The following TNFAIP8 variants were observed in gnomAD, a reference collection of about 807,000 sequenced individuals.
The protein encoded by TNFAIP8 is TNF alpha induced protein 8.
TNFAIP8 carries 7 observed loss-of-function variants against 13.3 expected under a neutral mutation model. That is an observed-to-expected ratio of 0.52 (90% CI 0.30 to 0.99). The LOEUF (loss-of-function observed/expected upper bound fraction) is 0.99, where lower values mean the gene tolerates loss of function less well. Ranked by LOEUF, TNFAIP8 falls within the 50% of genes least tolerant of loss-of-function variation. The pLI is 0.07. For missense variants in TNFAIP8, 258 were observed against 236.9 expected (o/e 1.09, Z -0.58); for synonymous variants, 94 against 87.6 (o/e 1.07, Z -0.41).
chr5:119,390,654 T>C (rs758155248), intron 1 of TNFAIP8, among the ~76,000 whole-genome samples: 1 of 152,170 alleles, frequency 6.6e-6, no homozygotes, highest in Admixed American at 6.5e-5. Flanking sequence ...AGGGGACCCT[T>C]TCTTATTCAA....
At chr5:119,370,513 T>C (rs1367193698) in intron 1 of TNFAIP8, among the ~76,000 whole-genome samples, 1 of 152,252 alleles carries the variant, frequency 6.6e-6, no homozygotes, top group Non-Finnish European at 1.5e-5. Context: ...GCCTGGAAGT[T>C]CTATAAAATA....
At chr5:119,303,452 T>C (rs981008256) in intron 1 of TNFAIP8, among the ~76,000 whole-genome samples, 1 of 152,186 alleles carries the variant, frequency 6.6e-6, no homozygotes, top group African/African-American at 2.4e-5. Context: ...CTCAGTTAGA[T>C]GGACCTGTGC....
chr5:119,381,049 A>G (rs1400581199), intron 1 of TNFAIP8, among the ~76,000 whole-genome samples: 1 of 152,146 alleles, frequency 6.6e-6, no homozygotes, highest in Admixed American at 6.5e-5. Flanking sequence ...TTCCAACTTT[A>G]CTATATATCA....
At chr5:119,297,388 T>C (rs1250262277) in intron 1 of TNFAIP8, among the ~76,000 whole-genome samples, 1 of 152,224 alleles carries the variant, frequency 6.6e-6, no homozygotes, top group Non-Finnish European at 1.5e-5. Flanking sequence ...AGGAGCAGGT[T>C]GTTCAGTTTC....
chr5:119,344,184 C>G (rs1421911244), intron 1 of TNFAIP8, among the ~76,000 whole-genome samples: 2 of 152,168 alleles, frequency 1.3e-5, no homozygotes, highest in Admixed American at 6.5e-5. Flanking sequence ...AAGCATGGCA[C>G]CAGCATCTGC....
chr5:119,371,829 C>T (rs992904382), intron 1 of TNFAIP8, among the ~76,000 whole-genome samples: 8 of 151,842 alleles, frequency 5.3e-5, no homozygotes, highest in Admixed American at 1.3e-4. Context: ...CGAGACCAGC[C>T]GGGGCAACAT....
intron 1 of TNFAIP8, among the ~76,000 whole-genome samples, chr5:119,314,202 C>A (rs200562441): frequency 1.6e-5 from 2 of 126,828 alleles, no homozygotes; most frequent in African/African-American, 5.6e-5. Flanking sequence ...AACAAACAAA[C>A]AAAAAAACCA....
At chr5:119,293,911 CACTT>C (rs759972234) in intron 1 of TNFAIP8, among the ~76,000 whole-genome samples, 3 of 152,274 alleles carry the variant, frequency 2.0e-5, no homozygotes, top group Non-Finnish European at 4.4e-5. Context: ...TGTCAGATAA[CACTT>C]GCAGCGCTTT....
At chr5:119,289,997 T>C (rs967930720) in intron 1 of TNFAIP8, among the ~76,000 whole-genome samples, 3 of 152,332 alleles carry the variant, frequency 2.0e-5, no homozygotes. Flanking sequence ...AATTCTCTCA[T>C]CATTCAGTCA....
Position 119,395,082 on chromosome 5 carries a change from A to G in TNFAIP8, c.*1701A>G, listed in dbSNP as rs1753042553. ...TGACACCCTCATTTGCTTGGCTAAG[A>G]CAAGCAGCAAAGGTGTAGAGTTTCT... On this transcript the variant is annotated 3_prime_UTR_variant, in exon 2 of 2. Coordinates refer to ENST00000504771, the MANE Select transcript of TNFAIP8 (RefSeq NM_014350.4). 6.6e-6 allele frequency: 1 copy of G among 152,168 alleles called. No individual in the cohort carries two copies. The highest frequency in any genetic ancestry group is 1.9e-4 in the East Asian group (1 of 5,200). The allele number at this position is 152,168 out of a possible 1,614,324, so 9.4% of individuals were successfully genotyped here.
At chr5:119,348,804 T>C (rs992142111) in intron 1 of TNFAIP8, among the ~76,000 whole-genome samples, 4 of 143,414 alleles carry the variant, frequency 2.8e-5, no homozygotes, top group Non-Finnish European at 4.5e-5. Flanking sequence ...TGCTTGAACC[T>C]GGGAGGCAGA....
At chr5:119,338,735 G>A (rs943035140) in intron 1 of TNFAIP8, among the ~76,000 whole-genome samples, 5 of 152,198 alleles carry the variant, frequency 3.3e-5, no homozygotes, top group African/African-American at 1.2e-4. Flanking sequence ...ACAAGAAAGA[G>A]AAACCCCAAG....
At chr5:119,296,451 C>T (rs1054094687) in intron 1 of TNFAIP8, among the ~76,000 whole-genome samples, 2 of 151,874 alleles carry the variant, frequency 1.3e-5, no homozygotes, top group Non-Finnish European at 2.9e-5. Context: ...TATATTGAAC[C>T]AGGCTTTCAT....
At chr5:119,335,997 G>A (rs1317275246) in intron 1 of TNFAIP8, among the ~76,000 whole-genome samples, 1 of 152,016 alleles carries the variant, frequency 6.6e-6, no homozygotes, top group Non-Finnish European at 1.5e-5. Context: ...TGGATATCCT[G>A]GGGGAAGAAC....
At chr5:119,348,228 G>A (rs1226021104) in intron 1 of TNFAIP8, among the ~76,000 whole-genome samples, 2 of 152,188 alleles carry the variant, frequency 1.3e-5, no homozygotes, top group Non-Finnish European at 2.9e-5. Flanking sequence ...GTAAGCACTG[G>A]AAAGTTGCAT....
chr5:119,327,724 G>A (rs1039636305), intron 1 of TNFAIP8, among the ~76,000 whole-genome samples: 2 of 152,316 alleles, frequency 1.3e-5, no homozygotes, highest in South Asian at 4.1e-4. Context: ...CTCCCAAAGT[G>A]CTGGGATTAC....
At chr5:119,338,771 T>G (rs1003856177) in intron 1 of TNFAIP8, among the ~76,000 whole-genome samples, 1 of 152,206 alleles carries the variant, frequency 6.6e-6, no homozygotes, top group Non-Finnish European at 1.5e-5. Flanking sequence ...CAAAAGAGAT[T>G]TTTTTGTTGG....
At chr5:119,342,734 A>G (rs1295355584) in intron 1 of TNFAIP8, among the ~76,000 whole-genome samples, 1 of 152,208 alleles carries the variant, frequency 6.6e-6, no homozygotes, top group Non-Finnish European at 1.5e-5. Context: ...ATTGGTCTTC[A>G]GCCTTCACTT....
At chr5:119,303,560 G>A (rs1000635227) in intron 1 of TNFAIP8, among the ~76,000 whole-genome samples, 5 of 152,192 alleles carry the variant, frequency 3.3e-5, no homozygotes, top group African/African-American at 1.2e-4. Flanking sequence ...TTGGGTAGAA[G>A]TGGGTGTAGT....
Sources: gnomAD v4.1 joint callset for allele counts (sites outside exome capture counted in the v4.1 genomes callset) on GRCh38, gnomAD v4.1.1 for gene constraint, MANE v1.5 for transcripts, NCBI Gene and HGNC (gene_info 2026-07-23, HGNC 2026-07-21) for gene names.